Variants in KATNIP observed in about 807,000 individuals in gnomAD.
The protein encoded by KATNIP is katanin interacting protein, also known as katanin-interacting protein.
In KATNIP, 126 loss-of-function variants were observed where a neutral mutation model predicts 174.0. The observed-to-expected ratio is 0.72, with a 90% CI of 0.63 to 0.84. The LOEUF (loss-of-function observed/expected upper bound fraction) is 0.84, where lower values mean the gene tolerates loss of function less well. KATNIP is among the 40% of genes least tolerant of loss of function. KATNIP has a pLI of 0.00. For synonymous variants in KATNIP, 810 were observed against 835.7 expected, an observed-to-expected ratio of 0.97 and a Z score of 0.53; for missense variants, 1,958 against 2,109.7, an observed-to-expected ratio of 0.93 and a Z score of 1.41.
At chr16:27,616,728 G>A (rs747132602) in intron 2 of KATNIP, among the ~76,000 whole-genome samples, 1 of 149,778 alleles carries the variant, frequency 6.7e-6, no homozygotes, top group Non-Finnish European at 1.5e-5. Context: ...CTCTGTCTCA[G>A]AAAAAAAATA....
rs115064114 is a variant in KATNIP, at chr16:27,571,039, T to G, written c.8-2862T>G. Among the ~76,000 whole-genome samples the G allele has an allele frequency of 9.8e-3, 1,495 of 152,254 alleles. 31 individuals carry two copies. The highest frequency in any genetic ancestry group is 0.034 in the African/African-American group (1,395 of 41,544). The stretch of plus-strand genomic sequence containing the variant: ...TAATATTTTGGTTTTTGTTTGTTTG[T>G]TTGTTTGTTTTGAGACAGAGTCTCA... On this transcript the variant is annotated intron_variant, in intron 1 of 27. Transcript: ENST00000261588.
chr16:27,574,793 A>ACCTCAGGTGATCT (rs11272755), intron 2 of KATNIP, among the ~76,000 whole-genome samples: 128,019 of 151,748 alleles, frequency 0.84, 54,111 homozygotes, highest in East Asian at 0.99. Context: ...CGAACTCCCG[A>ACCTCAGGTGATCT]GCCCGCCTCA....
At position 27,751,769 on chromosome 16, in the gene KATNIP, C is replaced by T; in HGVS notation, c.3397C>T (p.Leu1133Phe). 6.2e-7 allele frequency: 1 copy of T among 1,614,222 alleles called. No homozygotes were observed. The highest frequency in any genetic ancestry group is 8.5e-7 in the Non-Finnish European group (1 of 1,180,048). Residue 1133 changes from leucine (L) to phenylalanine (F), a missense_variant, in exon 17 of 28, where the codon CTC (leucine) becomes TTC (phenylalanine). Leu to Phe is a conservative substitution (Grantham distance 22). Transcript: ENST00000261588. ...CTTATTCACAACCGATGATGACATT[C>T]TCGAGGCCATATTCTATTCTGATGA... is the stretch of plus-strand genomic sequence containing the variant. Reference protein sequence around the residue: ...TILFTTDDDILEAIFYSDEMF... With the variant: ...TILFTTDDDIFEAIFYSDEMF...
chr16:27,627,307 G>A (rs1408356247), intron 3 of KATNIP, among the ~76,000 whole-genome samples: 1 of 152,130 alleles, frequency 6.6e-6, no homozygotes, highest in African/African-American at 2.4e-5. Context: ...TGCTTAAACT[G>A]GCCTTATACA....
At chr16:27,664,163 T>C (rs1344745521) in intron 6 of KATNIP, among the ~76,000 whole-genome samples, 2 of 152,186 alleles carry the variant, frequency 1.3e-5, no homozygotes, top group Non-Finnish European at 2.9e-5. Flanking sequence ...AAACAGTTTT[T>C]TGTTTATCTA....
intron 18 of KATNIP, among the ~76,000 whole-genome samples, chr16:27,757,815 C>T (rs1295241516): frequency 1.3e-5 from 2 of 152,062 alleles, no homozygotes; most frequent in African/African-American, 4.8e-5. Flanking sequence ...ATAAAGTGAC[C>T]CGGGGGGAAT....
chr16:27,777,552 C>T lies in KATNIP; in HGVS notation c.4552-58C>T. On this transcript the variant is annotated intron_variant, in intron 25 of 27. Transcript: ENST00000261588. The surrounding 1 kb of genome is among the most constrained non-coding windows in gnomAD (Gnocchi z 4.4). ...GCTCAGAGCAGTAACGCGTTCTGCC[C>T]AAGGTCAACGTGGGAGGGACGAGGG... 2.0e-6 allele frequency: 3 copies of T among 1,528,368 alleles called. No individual in the cohort carries two copies. Among genetic ancestry groups the T allele is most frequent in the Non-Finnish European group, 2.6e-6 (3 of 1,132,362 alleles). The allele number at this position is 1,528,368 out of a possible 1,614,324, so 94.7% of individuals were successfully genotyped here.
chr16:27,648,587 C>T lies in KATNIP; in HGVS notation c.409-17C>T. The T allele has an allele frequency of 6.2e-7, 1 of 1,613,916 alleles. No individual in the cohort carries two copies. The highest frequency in any genetic ancestry group is 8.5e-7 in the Non-Finnish European group (1 of 1,179,868). ...CCTCATTCCACCTTATCTGAAATGG[C>T]CTGCATTTTTGTACAGAAATCTGTG... On this transcript the variant is annotated splice_polypyrimidine_tract_variant and intron_variant, in intron 5 of 27. Coordinates refer to ENST00000261588, the MANE Select transcript of KATNIP (RefSeq NM_015202.5).
At position 27,637,988 on chromosome 16, in the gene KATNIP, C is replaced by T. The variant is rs940780959; in HGVS notation, c.408+6826C>T. Reference sequence around the variant, plus strand: ...ACTTCTGTTCCCTGTCCCTGAGCTGCCGCCAACTCGTAGCTTCAGTGTTCC... The same window carrying T: ...ACTTCTGTTCCCTGTCCCTGAGCTGTCGCCAACTCGTAGCTTCAGTGTTCC... On this transcript the variant is annotated intron_variant, in intron 5 of 27. Transcript: ENST00000261588. This position sits in a 1 kb window ranked among gnomAD's most constrained non-coding sequence, Gnocchi z 4.7. Among the ~76,000 whole-genome samples, 4 of 152,220 alleles carry T rather than the reference C, an allele frequency of 2.6e-5. No individual in the cohort carries two copies. The highest frequency in any genetic ancestry group is 1.3e-4 in the Admixed American group (2 of 15,290).
At chr16:27,681,273 CT>C in intron 7 of KATNIP, 125 bp from the exon 8 acceptor site, 1 of 1,257,414 alleles carries the variant, frequency 8.0e-7, no homozygotes, top group Non-Finnish European at 1.1e-6. Context: ...TAATCCCAAA[CT>C]GCACAAAGTA....
chr16:27,554,191 G>C (rs2089513313), intron 1 of KATNIP, among the ~76,000 whole-genome samples: 1 of 151,976 alleles, frequency 6.6e-6, no homozygotes, highest in Non-Finnish European at 1.5e-5. Flanking sequence ...CAGCCAGATG[G>C]GGTGGCTCAC....
intron 3 of KATNIP, among the ~76,000 whole-genome samples, chr16:27,623,756 T>TGGA (rs959375343): frequency 6.6e-6 from 1 of 152,172 alleles, no homozygotes; most frequent in Admixed American, 6.5e-5. Flanking sequence ...GACCGAGATC[T>TGGA]GGAGGAACCA....
At chr16:27,749,329 G>A (rs1189553716) in intron 15 of KATNIP, among the ~76,000 whole-genome samples, 2 of 152,258 alleles carry the variant, frequency 1.3e-5, no homozygotes, top group African/African-American at 4.8e-5. Flanking sequence ...CAGAAGCTGT[G>A]TGGGACAGGA....
At chr16:27,750,784 C>T (rs1380120277) in intron 16 of KATNIP, among the ~76,000 whole-genome samples, 2 of 141,260 alleles carry the variant, frequency 1.4e-5, no homozygotes, top group African/African-American at 2.7e-5. Context: ...TTGCCCTGCA[C>T]AGTGGCATGG....
chr16:27,753,467 G>A (rs760740026), intron 17 of KATNIP, among the ~76,000 whole-genome samples: 30 of 152,258 alleles, frequency 2.0e-4, no homozygotes, highest in Admixed American at 5.9e-4. Context: ...TCTCAGTCTC[G>A]TGAGAGACCA....
chr16:27,686,616 T>C (rs1190109995), intron 8 of KATNIP, among the ~76,000 whole-genome samples: 1 of 152,224 alleles, frequency 6.6e-6, no homozygotes, highest in African/African-American at 2.4e-5. Flanking sequence ...ATCTACTATC[T>C]TATTGTTTGC....
intron 8 of KATNIP, among the ~76,000 whole-genome samples, chr16:27,684,233 A>C (rs767238151): frequency 1.3e-5 from 2 of 152,142 alleles, no homozygotes; most frequent in Non-Finnish European, 2.9e-5. Flanking sequence ...GAGGAGATGG[A>C]GGCACAGAGA....
chr16:27,641,669 T>C (rs1250781051), intron 5 of KATNIP, among the ~76,000 whole-genome samples: 1 of 152,218 alleles, frequency 6.6e-6, no homozygotes, highest in African/African-American at 2.4e-5. Context: ...GATCTTATGC[T>C]ATTGGAAATT....
At chr16:27,574,558 C>CTTTTTTTT (rs10708223) in intron 2 of KATNIP, among the ~76,000 whole-genome samples, 101 of 53,412 alleles carry the variant, frequency 1.9e-3, no homozygotes, top group Non-Finnish European at 2.0e-3. Flanking sequence ...ACTTTCTATT[C>CTTTTTTTT]TTTTTTTTTT....
Sources: allele counts gnomAD v4.1 joint callset (sites outside exome capture counted in the v4.1 genomes callset), GRCh38; gene constraint gnomAD v4.1.1; non-coding constraint Gnocchi (gnomAD v3.1); transcripts MANE v1.5; gene names NCBI Gene and HGNC (gene_info 2026-07-23, HGNC 2026-07-21).